TEX264: variants seen among roughly 807,000 people sequenced by gnomAD.
The protein encoded by TEX264 is testis expressed 264, ER-phagy receptor.
In TEX264, 13 loss-of-function variants were observed where a neutral mutation model predicts 23.4. That is an observed-to-expected ratio of 0.56 (90% CI 0.36 to 0.88). The LOEUF is 0.88. Ranked by LOEUF, TEX264 falls within the 40% of genes least tolerant of loss-of-function variation. The probability of loss-of-function intolerance (pLI) is 0.01; values close to 1 mark genes in which losing one functional copy is unlikely to be tolerated. For missense variants in TEX264, 340 were observed against 406.8 expected (o/e 0.84, Z 1.41); for synonymous variants, 159 against 170.0 (o/e 0.94, Z 0.50).
At chr3:51,690,936 T>A (rs1389141618) in intron 3 of TEX264, among the ~76,000 whole-genome samples, 1 of 152,220 alleles carries the variant, frequency 6.6e-6, no homozygotes, top group Non-Finnish European at 1.5e-5. Flanking sequence ...ATCGTTCCGA[T>A]GGCTATATGC....
intron 2 of TEX264, among the ~76,000 whole-genome samples, chr3:51,677,378 ACCAG>A (rs1702267025): frequency 1.3e-5 from 2 of 152,138 alleles, no homozygotes; most frequent in Non-Finnish European, 2.9e-5. Flanking sequence ...GGCTGCCTCC[ACCAG>A]CAGTGTGCAG....
intron 1 of TEX264, among the ~76,000 whole-genome samples, chr3:51,673,865 C>G (rs1412780019): frequency 6.6e-6 from 1 of 152,100 alleles, no homozygotes; most frequent in Non-Finnish European, 1.5e-5. Flanking sequence ...TGGCGTGGCT[C>G]AGCTGTGGGG....
At chr3:51,697,098 G>C (rs192161873) in intron 3 of TEX264, among the ~76,000 whole-genome samples, 2 of 152,230 alleles carry the variant, frequency 1.3e-5, no homozygotes, top group African/African-American at 4.8e-5. Flanking sequence ...AGATGAAGGC[G>C]ACGGCAAGGA....
At chr3:51,699,032 T>G (rs1703177519) in intron 3 of TEX264, among the ~76,000 whole-genome samples, 1 of 152,048 alleles carries the variant, frequency 6.6e-6, no homozygotes, top group South Asian at 2.1e-4. Context: ...CTTAGGCACA[T>G]GGGGTCCCTA....
chr3:51,676,089 A>G (rs964770854), intron 2 of TEX264, among the ~76,000 whole-genome samples: 35 of 152,276 alleles, frequency 2.3e-4, no homozygotes, highest in African/African-American at 8.4e-4. Flanking sequence ...GGAGCACTGG[A>G]GCCTGAGTGG....
chr3:51,671,620 T>G (rs933607338), intron 1 of TEX264: 5 of 155,032 alleles, frequency 3.2e-5, no homozygotes, highest in African/African-American at 1.2e-4. Context: ...CAGCCTGGGC[T>G]GCAAACTTTA....
In TEX264 at chr3:51,684,059, C is replaced by T. The variant is rs747035271; in HGVS notation, c.259-354C>T. 9.9e-4 allele frequency: 284 copies of T among 287,450 alleles called. 1 individual carries two copies. The highest frequency in any genetic ancestry group is 2.2e-3 in the Middle Eastern group (2 of 892). 17.8% of individuals were successfully genotyped at this position (287,450 alleles called of 1,614,324 possible). On this transcript the variant is annotated intron_variant, in intron 2 of 4. Coordinates refer to ENST00000341333, the MANE Select transcript of TEX264 (RefSeq NM_015926.6). The stretch of plus-strand genomic sequence containing the variant: ...TCTTATGGTGGGGTGGAAGGGCCCC[C>T]TCAGTGGAGCCATGTGGAGGGTGAT...
intron 2 of TEX264, among the ~76,000 whole-genome samples, chr3:51,680,616 G>T (rs994181014): frequency 1.3e-5 from 2 of 152,220 alleles, no homozygotes; most frequent in African/African-American, 4.8e-5. Context: ...AGTGGTGGTG[G>T]GTCTGGCCAC....
chr3:51,697,903 G>A (rs1256319739), intron 3 of TEX264, among the ~76,000 whole-genome samples: 1 of 152,212 alleles, frequency 6.6e-6, no homozygotes, highest in Non-Finnish European at 1.5e-5. Flanking sequence ...TGGCAAAGAA[G>A]ATTTGACTCC....
intron 2 of TEX264, chr3:51,681,744 A>C (rs779750660): frequency 6.6e-6 from 1 of 152,110 alleles, no homozygotes; most frequent in Non-Finnish European, 1.5e-5. Flanking sequence ...CCATGCAGAC[A>C]CTCAGTTGGT....
chr3:51,687,924 T>C (rs1702686206), intron 3 of TEX264, among the ~76,000 whole-genome samples: 1 of 152,228 alleles, frequency 6.6e-6, no homozygotes, highest in Non-Finnish European at 1.5e-5. Context: ...ATCTCAGCTT[T>C]CCTGGTTTGC....
chr3:51,696,055 G>A (rs1703044266), intron 3 of TEX264, among the ~76,000 whole-genome samples: 1 of 152,158 alleles, frequency 6.6e-6, no homozygotes, highest in Non-Finnish European at 1.5e-5. Context: ...TGCCTGTTAG[G>A]TGGAGAGGAA....
rs1199580988 is a variant in TEX264 at position 51,691,149 on chromosome 3, G to A, written c.480+6515G>A. ...CCGAGGCAAAGCACAGGAAGAGGCT[G>A]TGTACCCGCTTGCCCAGCAGGCACT... is the stretch of plus-strand genomic sequence containing the variant. On this transcript the variant is annotated intron_variant, in intron 3 of 4. Coordinates refer to ENST00000341333, the MANE Select transcript of TEX264 (RefSeq NM_015926.6). This position sits in a 1 kb window ranked among gnomAD's most constrained non-coding sequence, Gnocchi z 4.4. Among the ~76,000 whole-genome samples, 1 of 152,230 alleles carries A rather than the reference G, an allele frequency of 6.6e-6. No homozygotes were observed. Among genetic ancestry groups the A allele is most frequent in the Non-Finnish European group, 1.5e-5 (1 of 68,040 alleles).
Position 51,686,245 on chromosome 3 carries a change from GGA to G in TEX264, c.480+1612_480+1613del, listed in dbSNP as rs1425839883. The stretch of plus-strand genomic sequence containing the variant: ...GCCTCTGTGGGACCAGGTAGGCAGT[GGA>G]CAGCCTGTGGCAGCAAAGGCTGCGC... On this transcript the variant is annotated intron_variant, in intron 3 of 4. Transcript: ENST00000341333. This position sits in a 1 kb window ranked among gnomAD's most constrained non-coding sequence, Gnocchi z 4.1. Among the ~76,000 whole-genome samples, 1 of 152,216 alleles carries G rather than the reference GGA, an allele frequency of 6.6e-6. No homozygotes were observed. Among genetic ancestry groups the G allele is most frequent in the East Asian group, 1.9e-4 (1 of 5,192 alleles).
chr3:51,671,916 G>C (rs1306908763), intron 1 of TEX264: 1 of 152,246 alleles, frequency 6.6e-6, no homozygotes, highest in Non-Finnish European at 1.5e-5. Context: ...GGCCGCACGC[G>C]TCCATCCCGG....
At position 51,680,769 on chromosome 3, in the gene TEX264, A is replaced by G. The variant is rs868162889; in HGVS notation, c.259-3644A>G. Among the ~76,000 whole-genome samples the G allele has an allele frequency of 4.6e-5, 7 of 152,332 alleles. No homozygotes were observed. The South Asian group carries it at 1.4e-3, about 32-fold the overall frequency. ...GCTGGGAGGCCCAGGCCTATGTCCT[A>G]GGGTTCGGCCCAAATACAGATACTC... On this transcript the variant is annotated intron_variant, in intron 2 of 4. Coordinates refer to ENST00000341333, the MANE Select transcript of TEX264 (RefSeq NM_015926.6).
chr3:51,688,453 G>A (rs1215815441), intron 3 of TEX264, among the ~76,000 whole-genome samples: 1 of 152,204 alleles, frequency 6.6e-6, no homozygotes, highest in African/African-American at 2.4e-5. Context: ...ACTTGGTGAG[G>A]AAGGCCATTG....
Position 51,691,025 on chromosome 3 carries a change from G to A in TEX264, c.480+6391G>A, listed in dbSNP as rs536376631. ...CTTGTCATCAATTTGGGATATGCTC[G>A]GGATGGTGCCCCAGGGTGGGCTTTC... is the stretch of plus-strand genomic sequence containing the variant. On this transcript the variant is annotated intron_variant, in intron 3 of 4. Coordinates refer to ENST00000341333, the MANE Select transcript of TEX264 (RefSeq NM_015926.6). The surrounding 1 kb of genome is among the most constrained non-coding windows in gnomAD (Gnocchi z 4.4). Among the ~76,000 whole-genome samples the A allele has an allele frequency of 1.3e-5, 2 of 152,192 alleles. No individual in the cohort carries two copies. The highest frequency in any genetic ancestry group is 2.9e-5 in the Non-Finnish European group (2 of 68,038).
At chr3:51,699,736 A>T (rs566482709) in intron 4 of TEX264, among the ~76,000 whole-genome samples, 162 bp downstream of exon 4, 4 of 152,136 alleles carry the variant, frequency 2.6e-5, no homozygotes, top group Non-Finnish European at 5.9e-5. Context: ...GAGGACCCAC[A>T]TGTGGAGTTG....
Sources: gnomAD v4.1 joint callset for allele counts (sites outside exome capture counted in the v4.1 genomes callset) on GRCh38, gnomAD v4.1.1 for gene constraint, Gnocchi (gnomAD v3.1) non-coding constraint, MANE v1.5 for transcripts, NCBI Gene and HGNC (gene_info 2026-07-23, HGNC 2026-07-21) for gene names.